SLCO1B3: variants seen among roughly 807,000 people sequenced by gnomAD.
SLCO1B3 encodes the protein solute carrier organic anion transporter family member 1B3.
SLCO1B3 carries 72 observed loss-of-function variants against 71.8 expected under a neutral mutation model. The ratio of observed to expected loss-of-function variants is 1.00; its 90% CI spans 0.83 to 1.22. The LOEUF is 1.22. Among genes scored for constraint, SLCO1B3 ranks in the 50% most tolerant of loss-of-function variants. The pLI, the probability that SLCO1B3 is intolerant of heterozygous loss-of-function variation, is 0.00. For missense variants in SLCO1B3, 911 were observed against 819.7 expected (o/e 1.11, Z -1.36); for synonymous variants, 298 against 278.4 (o/e 1.07, Z -0.70).
intron 3 of SLCO1B3, among the ~76,000 whole-genome samples, chr12:20,848,834 G>GAGGA (rs1201538011): frequency 6.6e-6 from 1 of 152,210 alleles, no homozygotes; most frequent in African/African-American, 2.4e-5. Context: ...TTGAGGAAGA[G>GAGGA]AGGAAGAAAG....
intron 3 of SLCO1B3, among the ~76,000 whole-genome samples, chr12:20,816,715 G>A (rs1003108291): frequency 6.6e-6 from 1 of 152,196 alleles, no homozygotes; most frequent in African/African-American, 2.4e-5. Flanking sequence ...TATATACCCA[G>A]CAGTGGGATT....
rs375044601 is a variant in SLCO1B3, at chr12:20,851,684, A to G, written c.85-3344A>G. Among the ~76,000 whole-genome samples the G allele has an allele frequency of 1.1e-4, 16 of 152,120 alleles. No individual in the cohort carries two copies. In the East Asian group the frequency reaches 2.5e-3, roughly 24 times the overall value. On this transcript the variant is annotated intron_variant, in intron 3 of 15. Coordinates refer to ENST00000381545, the MANE Select transcript of SLCO1B3 (RefSeq NM_019844.4). Reference sequence around the variant, plus strand: ...AAGTTTGATGTAGTCACATTTGTCTATTTTTTATTTTGTTGCCTGTGCTTT... The same window carrying G: ...AAGTTTGATGTAGTCACATTTGTCTGTTTTTTATTTTGTTGCCTGTGCTTT...
chr12:20,901,184 G>A (rs190423102), intron 14 of SLCO1B3, among the ~76,000 whole-genome samples, 166 bp from the exon 15 acceptor site: 13 of 152,276 alleles, frequency 8.5e-5, no homozygotes, highest in African/African-American at 2.4e-4. Flanking sequence ...TTAAGCCTTT[G>A]CGATTTCTAA....
At chr12:20,871,147 T>C (rs907748437) in intron 8 of SLCO1B3, among the ~76,000 whole-genome samples, 5 of 152,176 alleles carry the variant, frequency 3.3e-5, no homozygotes, top group East Asian at 3.9e-4. Context: ...TGTAGTTTTT[T>C]TGATGTGTGT....
chr12:20,879,209 T>TTTTA, intron 10 of SLCO1B3, among the ~76,000 whole-genome samples: 1 of 141,346 alleles, frequency 7.1e-6, no homozygotes, highest in Non-Finnish European at 1.6e-5. Flanking sequence ...TTCTCTCTTT[T>TTTTA]TTTTTTTTTT....
intron 3 of SLCO1B3, among the ~76,000 whole-genome samples, chr12:20,841,911 G>C (rs1003386046): frequency 6.9e-6 from 1 of 144,340 alleles, no homozygotes; most frequent in African/African-American, 2.6e-5. Flanking sequence ...TTGAGACAGA[G>C]TCTCACTCTT....
At chr12:20,849,253 G>A (rs1241250425) in intron 3 of SLCO1B3, among the ~76,000 whole-genome samples, 1 of 151,854 alleles carries the variant, frequency 6.6e-6, no homozygotes, top group Non-Finnish European at 1.5e-5. Flanking sequence ...GGAAATTTAA[G>A]CATGATTAAA....
intron 3 of SLCO1B3, among the ~76,000 whole-genome samples, chr12:20,853,883 A>G (rs1366100035): frequency 6.6e-6 from 1 of 151,942 alleles, no homozygotes; most frequent in Non-Finnish European, 1.5e-5. Context: ...CTTCCACTGC[A>G]TCACATAAGT....
At chr12:20,828,208 A>T (rs1231105236) in intron 3 of SLCO1B3, among the ~76,000 whole-genome samples, 1 of 151,538 alleles carries the variant, frequency 6.6e-6, no homozygotes, top group African/African-American at 2.4e-5. Context: ...TTTACGGTGC[A>T]CTTGGCTACA....
At chr12:20,814,878 C>T (rs1178531958) in intron 2 of SLCO1B3, among the ~76,000 whole-genome samples, 1 of 135,594 alleles carries the variant, frequency 7.4e-6, no homozygotes, top group Non-Finnish European at 1.5e-5. Flanking sequence ...GCCCGGGAGA[C>T]AGAGCAAGAC....
intron 8 of SLCO1B3, among the ~76,000 whole-genome samples, chr12:20,864,263 T>A (rs556012458): frequency 6.6e-6 from 1 of 152,322 alleles, no homozygotes; most frequent in South Asian, 2.1e-4. Context: ...ATGCCTTTAT[T>A]GTAGCCCTTC....
intron 3 of SLCO1B3, among the ~76,000 whole-genome samples, chr12:20,817,360 A>C (rs1864210347): frequency 6.6e-6 from 1 of 152,052 alleles, no homozygotes; most frequent in Non-Finnish European, 1.5e-5. Context: ...TTAAGTCTTT[A>C]GTTCATTTTG....
Position 20,898,436 on chromosome 12 carries a change from G to A in SLCO1B3, c.1683G>A (p.Lys561=), listed in dbSNP as rs1354872742. ...TTTCTTTGCCTTTATCATATTTCAG[G>A]ATTGTTCAACCTGAATTGAAAGCAC... ...GGTTFILLTV[K]IVQPELKALA... The change falls in exon 14 of 16, where the codon AAG becomes AAA. Residue 561 remains lysine (K), a splice_region_variant and synonymous_variant. Transcript: ENST00000381545. 6.3e-7 allele frequency: 1 copy of A among 1,589,808 alleles called. No individual in the cohort carries two copies.
chr12:20,822,741 G>A (rs1335762511), intron 3 of SLCO1B3, among the ~76,000 whole-genome samples: 1 of 144,634 alleles, frequency 6.9e-6, no homozygotes, highest in East Asian at 1.9e-4. Context: ...AATATAAGGT[G>A]AACATAGACT....
chr12:20,883,218 A>G (rs1161976091), intron 12 of SLCO1B3, among the ~76,000 whole-genome samples, 200 bp from the exon 13 acceptor site: 6 of 152,198 alleles, frequency 3.9e-5, no homozygotes, highest in Non-Finnish European at 7.3e-5. Flanking sequence ...AAAATTATAT[A>G]CAGAATTTCA....
At chr12:20,851,644 T>C (rs1223696893) in intron 3 of SLCO1B3, among the ~76,000 whole-genome samples, 1 of 152,218 alleles carries the variant, frequency 6.6e-6, no homozygotes, top group Non-Finnish European at 1.5e-5. Flanking sequence ...TTTCTTTTTA[T>C]GTGCAGAGGT....
intron 3 of SLCO1B3, among the ~76,000 whole-genome samples, chr12:20,838,314 A>G (rs933459156): frequency 1.3e-5 from 2 of 151,740 alleles, no homozygotes; most frequent in Non-Finnish European, 2.9e-5. Context: ...ATTTTTCTCC[A>G]TCCATTTACT....
chr12:20,914,537 AAGAAAC>A (rs1368495320), intron 15 of SLCO1B3, among the ~76,000 whole-genome samples: 2 of 152,082 alleles, frequency 1.3e-5, no homozygotes, highest in African/African-American at 4.8e-5. Context: ...TATTATTTTA[AAGAAAC>A]TGATTTCTAT....
chr12:20,813,828 A>G (rs1245701945), intron 2 of SLCO1B3, among the ~76,000 whole-genome samples, 190 bp downstream of exon 2: 1 of 152,240 alleles, frequency 6.6e-6, no homozygotes, highest in Non-Finnish European at 1.5e-5. Context: ...TATCTCTTCT[A>G]GGAATGATGG....
Sources: gnomAD v4.1 joint callset for allele counts (sites outside exome capture counted in the v4.1 genomes callset) on GRCh38, gnomAD v4.1.1 for gene constraint, MANE v1.5 for transcripts, NCBI Gene and HGNC (gene_info 2026-07-23, HGNC 2026-07-21) for gene names.